The following MYO16 variants were observed in gnomAD, a reference collection of about 807,000 sequenced individuals.
MYO16 encodes myosin XVI.
In MYO16, 94 loss-of-function variants were observed where a neutral mutation model predicts 205.3. That is an observed-to-expected ratio of 0.46 (90% confidence interval 0.39 to 0.54). The LOEUF (loss-of-function observed/expected upper bound fraction) is 0.54. Among genes scored for constraint, MYO16 ranks in the 20% least tolerant of loss-of-function variants. The pLI is 0.00. For synonymous variants in MYO16, 988 were observed against 954.0 expected (o/e 1.04, Z -0.66); for missense variants, 2,315 against 2,387.5 (o/e 0.97, Z 0.63).
At chr13:108,563,375 T>A in the MYO16 span, among the ~76,000 whole-genome samples, 1 of 152,144 alleles carries the variant, frequency 6.6e-6, no homozygotes, top group Admixed American at 6.6e-5. Context: ...TATGATGAAA[T>A]TATTATTGAC....
the MYO16 span, among the ~76,000 whole-genome samples, chr13:108,526,911 A>C: frequency 6.6e-6 from 1 of 152,214 alleles, no homozygotes; most frequent in Non-Finnish European, 1.5e-5. Flanking sequence ...ACTTTTAGAC[A>C]AACTGCCTAG....
intron 14 of MYO16, among the ~76,000 whole-genome samples, chr13:108,892,840 T>C (rs1408056896): frequency 6.6e-6 from 1 of 152,218 alleles, no homozygotes; most frequent in Non-Finnish European, 1.5e-5. Flanking sequence ...CTTATGTAAA[T>C]TGGCTTTAAA....
chr13:108,731,773 G>T (rs1003349035), intron 4 of MYO16, among the ~76,000 whole-genome samples: 1 of 152,088 alleles, frequency 6.6e-6, no homozygotes, highest in Non-Finnish European at 1.5e-5. Context: ...TGAACATAAG[G>T]CCTGCCCTGA....
rs558081662 is a variant in MYO16, at chr13:109,197,705, T to A, written c.5416-8904T>A. Among the ~76,000 whole-genome samples, 6 of 152,310 alleles carry A rather than the reference T, an allele frequency of 3.9e-5. No homozygotes were observed. In the South Asian group the frequency reaches 1.2e-3, roughly 32 times the overall value. On this transcript the variant is annotated intron_variant, in intron 34 of 34. Coordinates refer to ENST00000457511, the MANE Select transcript of MYO16 (RefSeq NM_001198950.3). Reference sequence around the variant, plus strand: ...CCTTGACCCTTAAAGTTTCTTAAATTATTTTACAATGTTAATTAAATGTAT... The same window carrying A: ...CCTTGACCCTTAAAGTTTCTTAAATAATTTTACAATGTTAATTAAATGTAT...
intron 4 of MYO16, among the ~76,000 whole-genome samples, chr13:108,782,975 G>A (rs1886351595): frequency 6.6e-6 from 1 of 152,178 alleles, no homozygotes; most frequent in South Asian, 2.1e-4. Flanking sequence ...CTCTACAGCA[G>A]TGCAAAAGGG....
At chr13:109,018,297 AGCT>A (rs1444025926) in intron 22 of MYO16, among the ~76,000 whole-genome samples, 1 of 152,198 alleles carries the variant, frequency 6.6e-6, no homozygotes, top group Non-Finnish European at 1.5e-5. Flanking sequence ...CACCAGCAGC[AGCT>A]GCAGAACAGC....
chr13:108,677,643 T>C (rs773159914), intron 2 of MYO16, among the ~76,000 whole-genome samples: 1 of 152,154 alleles, frequency 6.6e-6, no homozygotes, highest in African/African-American at 2.4e-5. Flanking sequence ...GATTTTGTAG[T>C]GTCACTTCCT....
chr13:108,607,540 T>C (rs1348230424), intron 1 of MYO16, among the ~76,000 whole-genome samples: 1 of 152,216 alleles, frequency 6.6e-6, no homozygotes, highest in Admixed American at 6.5e-5. Flanking sequence ...CTGCCATCAT[T>C]GTACATTTCC....
intron 12 of MYO16, among the ~76,000 whole-genome samples, chr13:108,880,894 G>T (rs946844140): frequency 1.3e-5 from 2 of 152,136 alleles, no homozygotes; most frequent in African/African-American, 2.4e-5. Context: ...TTCCAATTCT[G>T]TGAAGAAAGT....
chr13:108,544,300 A>T, the MYO16 span, among the ~76,000 whole-genome samples: 1 of 152,186 alleles, frequency 6.6e-6, no homozygotes, highest in Non-Finnish European at 1.5e-5. Flanking sequence ...CCAATCACGT[A>T]AAACCTTAGA....
rs189408663 is a variant in MYO16 at position 109,190,978 on chromosome 13, G to A, written c.5415+11345G>A. Among the ~76,000 whole-genome samples the A allele has an allele frequency of 4.0e-3, 602 of 152,232 alleles. 3 individuals are homozygous for A. Among genetic ancestry groups the A allele is most frequent in the African/African-American group, 0.014 (569 of 41,544 alleles). ...TCATGTCTGTAATCCCAGCACTTTG[G>A]GAGGCTGAGGCGGGCGGATCATCTG... On this transcript the variant is annotated intron_variant, in intron 34 of 34. Transcript: ENST00000457511.
intron 14 of MYO16, among the ~76,000 whole-genome samples, chr13:108,895,863 C>G (rs575542165): frequency 2.0e-5 from 3 of 152,180 alleles, no homozygotes; most frequent in Non-Finnish European, 4.4e-5. Context: ...GTAAAATTCA[C>G]TGTTGTTATT....
intron 31 of MYO16, among the ~76,000 whole-genome samples, chr13:109,139,119 TA>T (rs1345886603): frequency 1.3e-5 from 2 of 152,110 alleles, no homozygotes; most frequent in African/African-American, 4.8e-5. Flanking sequence ...CACTCCCGGC[TA>T]ATTTTTGTAT....
intron 15 of MYO16, among the ~76,000 whole-genome samples, chr13:108,905,094 G>A (rs545840034): frequency 2.5e-4 from 38 of 152,030 alleles, no homozygotes; most frequent in Middle Eastern, 3.4e-3. Flanking sequence ...TGTTTTCTGG[G>A]AGCAACAAAT....
intron 33 of MYO16, among the ~76,000 whole-genome samples, chr13:109,165,854 G>A (rs534882435): frequency 1.2e-4 from 18 of 152,248 alleles, no homozygotes; most frequent in East Asian, 3.9e-4. Context: ...AAACTGAGTC[G>A]TGGCCCCACC....
intron 2 of MYO16, among the ~76,000 whole-genome samples, chr13:108,672,797 T>C (rs748148002): frequency 2.0e-5 from 3 of 151,888 alleles, no homozygotes; most frequent in Non-Finnish European, 2.9e-5. Flanking sequence ...ATAGAGTGAG[T>C]GGGTGACTTA....
At chr13:108,808,193 C>T (rs1438174686) in intron 7 of MYO16, among the ~76,000 whole-genome samples, 1 of 151,958 alleles carries the variant, frequency 6.6e-6, no homozygotes, top group Non-Finnish European at 1.5e-5. Flanking sequence ...AATGCATAGA[C>T]ACAAAAAGTA....
In MYO16 at chr13:109,055,498, G is replaced by A. The variant is rs1194008651; in HGVS notation, c.3238G>A (p.Val1080Met). 7 of 1,612,988 alleles carry A rather than the reference G, an allele frequency of 4.3e-6. No individual in the cohort carries two copies. Among genetic ancestry groups the A allele is most frequent in the Admixed American group, 1.7e-5 (1 of 59,860 alleles). Residue 1080 changes from valine (V) to methionine (M), a missense_variant, in exon 27 of 35, where the codon GTG becomes ATG. Physicochemically the swap from Val to Met is conservative, Grantham distance 21. This residue lies in a region of MYO16 where 1,097 missense variants were observed against 1,092.0 expected (regional missense o/e 1.00). Coordinates refer to ENST00000457511, the MANE Select transcript of MYO16 (RefSeq NM_001198950.3). This position sits in a 1 kb window ranked among gnomAD's most constrained non-coding sequence, Gnocchi z 5.0. ...GCCAGATACTTTTGATAATTTTTAC[G>A]TGTCTGCTCAGCTACAATATATTGG... ...KLPDTFDNFY[V>M]SAQLQYIGVL...
At chr13:108,699,118 G>A (rs1883201817) in intron 2 of MYO16, among the ~76,000 whole-genome samples, 1 of 146,848 alleles carries the variant, frequency 6.8e-6, no homozygotes, top group Admixed American at 6.8e-5. Flanking sequence ...ATATGTGTGT[G>A]TGTATATACA....
Sources: gnomAD v4.1 joint callset for allele counts (sites outside exome capture counted in the v4.1 genomes callset) on GRCh38, gnomAD v4.1.1 for gene constraint, gnomAD v4.1.1 regional missense constraint, Gnocchi (gnomAD v3.1) non-coding constraint, MANE v1.5 for transcripts, NCBI Gene and HGNC (gene_info 2026-07-23, HGNC 2026-07-21) for gene names.